Variants in KIAA1217 observed in about 807,000 individuals in gnomAD.
KIAA1217 encodes sickle tail protein homolog.
Under a neutral mutation model 163.9 loss-of-function variants are expected in KIAA1217, and 88 were observed. The ratio of observed to expected loss-of-function variants is 0.54; its 90% CI spans 0.45 to 0.64. The LOEUF (loss-of-function observed/expected upper bound fraction) is 0.64, where lower values mean the gene tolerates loss of function less well. Ranked by LOEUF, KIAA1217 falls within the 30% of genes least tolerant of loss-of-function variation. The pLI is 0.00. For synonymous variants in KIAA1217, 903 were observed against 923.1 expected (o/e 0.98, Z 0.39); for missense variants, 2,372 against 2,475.0 (o/e 0.96, Z 0.88).
chr10:24,055,473 C>G (rs1259223176), intron 2 of KIAA1217, among the ~76,000 whole-genome samples: 1 of 152,134 alleles, frequency 6.6e-6, no homozygotes, highest in Non-Finnish European at 1.5e-5. Flanking sequence ...CCCTACTCCT[C>G]CTGAAGAAGA....
chr10:23,926,726 AAAATAAATAAAT>A (rs71397924), intron 1 of KIAA1217, among the ~76,000 whole-genome samples: 22 of 143,982 alleles, frequency 1.5e-4, no homozygotes, highest in Admixed American at 9.6e-4. Context: ...TTCTGTCTCA[AAAATAAATAAAT>A]AAATAAATAA....
rs77985336 is a variant in KIAA1217, at chr10:24,082,100, G to T, written c.-171+74726G>T. ...CTGCTGCTGAAGGTGATAGTGCTTT[G>T]TCCCCTTTTGTAATTCAGCCTCTGG... On this transcript the variant is annotated intron_variant, in intron 2 of 18. Transcript: ENST00000376462. Among the ~76,000 whole-genome samples the T allele has an allele frequency of 1.6e-4, 24 of 152,244 alleles. No homozygotes were observed. In the East Asian group the frequency reaches 4.6e-3, roughly 29 times the overall value.
At chr10:24,154,967 G>A (rs1476353585) in intron 2 of KIAA1217, among the ~76,000 whole-genome samples, 1 of 151,566 alleles carries the variant, frequency 6.6e-6, no homozygotes, top group Admixed American at 6.6e-5. Context: ...GTGGTAGCCA[G>A]GTGTCTGGGG....
At chr10:23,747,533 G>A (rs918318059) in intron 1 of KIAA1217, among the ~76,000 whole-genome samples, 3 of 152,148 alleles carry the variant, frequency 2.0e-5, no homozygotes, top group Non-Finnish European at 4.4e-5. Context: ...GCCAGGACAT[G>A]TCAAGAAGGG....
chr10:23,882,288 C>T (rs1385516910), intron 1 of KIAA1217, among the ~76,000 whole-genome samples: 1 of 151,836 alleles, frequency 6.6e-6, no homozygotes, highest in African/African-American at 2.4e-5. Flanking sequence ...TGAAGACACC[C>T]TCAGTATCAA....
intron 2 of KIAA1217, among the ~76,000 whole-genome samples, chr10:24,278,854 C>CTTTT (rs11288814): frequency 1.5e-4 from 21 of 140,844 alleles, no homozygotes; most frequent in Non-Finnish European, 2.3e-4. Flanking sequence ...ACTCAGATTA[C>CTTTT]TTTTTTTTTT....
chr10:24,154,603 A>G (rs536973385), intron 2 of KIAA1217, among the ~76,000 whole-genome samples: 19 of 152,100 alleles, frequency 1.2e-4, no homozygotes, highest in African/African-American at 4.6e-4. Context: ...GGCCGAGCAC[A>G]GTGACTCACA....
intron 2 of KIAA1217, among the ~76,000 whole-genome samples, chr10:24,126,764 A>G (rs1273130997): frequency 6.6e-5 from 10 of 151,958 alleles, no homozygotes; most frequent in African/African-American, 9.7e-5. Context: ...GCATCTAGAT[A>G]GAAACAGATA....
chr10:24,402,506 C>T (rs1355718958), intron 3 of KIAA1217, among the ~76,000 whole-genome samples: 4 of 94,282 alleles, frequency 4.2e-5, no homozygotes, highest in Middle Eastern at 5.7e-3. Flanking sequence ...AAGACTCCCT[C>T]TCAAAAAAAC....
At chr10:24,158,355 G>T in intron 2 of KIAA1217, 3 of 658,866 alleles carry the variant, frequency 4.6e-6, no homozygotes, top group South Asian at 4.1e-5. Context: ...ACACTTGGGT[G>T]ACTGTGTTCG....
At chr10:23,873,481 A>G (rs1017381660) in intron 1 of KIAA1217, among the ~76,000 whole-genome samples, 3 of 152,034 alleles carry the variant, frequency 2.0e-5, no homozygotes, top group African/African-American at 7.2e-5. Context: ...GGCCTTACTC[A>G]TAAGTTAGGT....
In KIAA1217 at chr10:23,704,432, C is replaced by T. The variant is rs186587873; in HGVS notation, c.-321+9198C>T. On this transcript the variant is annotated intron_variant, in intron 1 of 18. Coordinates refer to the KIAA1217 transcript ENST00000376462. ...TTTCATCTCCCCTAAAAGAAACTCC[C>T]CTACCCAGTAGTTGCGGTTCCCTTC... Among the ~76,000 whole-genome samples the T allele has an allele frequency of 2.6e-3, 388 of 151,828 alleles. 1 individual carries two copies. Among genetic ancestry groups the T allele is most frequent in the Middle Eastern group, 6.9e-3 (2 of 290 alleles).
chr10:23,869,665 C>G (rs756489393), intron 1 of KIAA1217, among the ~76,000 whole-genome samples: 2 of 152,082 alleles, frequency 1.3e-5, no homozygotes, highest in African/African-American at 4.8e-5. Flanking sequence ...ACCATCTCAC[C>G]TTCTGAGGTA....
At chr10:24,101,785 G>C (rs1179983293) in intron 2 of KIAA1217, among the ~76,000 whole-genome samples, 1 of 152,066 alleles carries the variant, frequency 6.6e-6, no homozygotes, top group Non-Finnish European at 1.5e-5. Context: ...TTGTGTTTTG[G>C]TTCTGGTTTT....
chr10:23,811,605 G>A (rs1039277079), intron 1 of KIAA1217, among the ~76,000 whole-genome samples: 5 of 151,954 alleles, frequency 3.3e-5, no homozygotes, highest in Admixed American at 1.3e-4. Context: ...GGATGAGAAA[G>A]GGGAAGGGGA....
chr10:24,155,070 A>G (rs1207070541), intron 2 of KIAA1217, among the ~76,000 whole-genome samples: 1 of 152,228 alleles, frequency 6.6e-6, no homozygotes, highest in African/African-American at 2.4e-5. Context: ...CGATGGTTGC[A>G]GATGAGTGTG....
rs2069330852 is a variant in KIAA1217, at chr10:24,219,807, T to A, written c.252T>A (p.Ser84=). 3 of 1,613,976 alleles carry A rather than the reference T, an allele frequency of 1.9e-6. No individual in the cohort carries two copies. The highest frequency in any genetic ancestry group is 2.5e-6 in the Non-Finnish European group (3 of 1,179,940). Residue 84 remains serine (S), a synonymous_variant, in exon 2 of 21, where the codon TCT becomes TCA. Transcript: ENST00000376454. ...AGGAAATACTGGGAATGCAAACATC[T>A]GAGATGGATCGGAAGAGAGAAGCGT... The part of the protein sequence containing the change: ...SSKEILGMQT[S]EMDRKREAFL...
chr10:24,225,366 C>T (rs1194627015), intron 2 of KIAA1217, among the ~76,000 whole-genome samples: 1 of 152,138 alleles, frequency 6.6e-6, no homozygotes, highest in Admixed American at 6.5e-5. Flanking sequence ...TCAAGCGATC[C>T]TCTCGCTTTG....
intron 2 of KIAA1217, among the ~76,000 whole-genome samples, chr10:24,360,048 T>A (rs1399507460): frequency 7.1e-6 from 1 of 140,674 alleles, no homozygotes; most frequent in Non-Finnish European, 1.5e-5. Context: ...TACTTTTTTT[T>A]TTTTTTTTTT....
Sources: gnomAD v4.1 joint callset for allele counts (sites outside exome capture counted in the v4.1 genomes callset) on GRCh38, gnomAD v4.1.1 for gene constraint, MANE v1.5 for transcripts, NCBI Gene and HGNC (gene_info 2026-07-23, HGNC 2026-07-21) for gene names.